Variants in ASAP1 observed in about 807,000 individuals in gnomAD.
ASAP1 encodes the protein ArfGAP with SH3 domain, ankyrin repeat and PH domain 1, also known as arf-GAP with SH3 domain, ANK repeat and PH domain-containing protein 1.
Under a neutral mutation model 145.2 loss-of-function variants are expected in ASAP1, and 43 were observed. The ratio of observed to expected loss-of-function variants is 0.30; its 90% confidence interval spans 0.23 to 0.38. ASAP1 has a LOEUF of 0.38. Among genes scored for constraint, ASAP1 ranks in the 10% least tolerant of loss-of-function variants. The pLI is 1.00. For synonymous variants in ASAP1, 546 were observed against 515.5 expected, an observed-to-expected ratio of 1.06 and a Z score of -0.80; for missense variants, 1,018 against 1,355.3, an observed-to-expected ratio of 0.75 and a Z score of 3.91.
chr8:130,199,663 A>C (rs190790604), intron 5 of ASAP1, among the ~76,000 whole-genome samples: 3 of 152,328 alleles, frequency 2.0e-5, no homozygotes, highest in African/African-American at 7.2e-5. Flanking sequence ...GAGGTCTCTA[A>C]AAAGACCTCT....
intron 15 of ASAP1, among the ~76,000 whole-genome samples, chr8:130,130,505 A>G (rs1487948173): frequency 1.3e-5 from 2 of 152,238 alleles, no homozygotes; most frequent in Admixed American, 1.3e-4. Flanking sequence ...CAAAAGGACC[A>G]AGACTCACAG....
chr8:130,329,942 C>T (rs1565214173), intron 3 of ASAP1, among the ~76,000 whole-genome samples: 1 of 152,170 alleles, frequency 6.6e-6, no homozygotes, highest in Non-Finnish European at 1.5e-5. Flanking sequence ...CCTGAATCAC[C>T]ATTTCCCTCC....
chr8:130,266,914 T>G (rs1820280352), intron 3 of ASAP1, among the ~76,000 whole-genome samples: 1 of 151,882 alleles, frequency 6.6e-6, no homozygotes, highest in South Asian at 2.1e-4. Flanking sequence ...CTGATGAAAT[T>G]ATCCTTAAAA....
At chr8:130,087,277 T>C (rs1218772701) in intron 25 of ASAP1, among the ~76,000 whole-genome samples, 1 of 152,040 alleles carries the variant, frequency 6.6e-6, no homozygotes, top group Non-Finnish European at 1.5e-5. Context: ...CCCAGCACTT[T>C]GAGAGGCCGA....
At chr8:130,256,751 A>ATATATATATATCCT (rs1819556929) in intron 3 of ASAP1, among the ~76,000 whole-genome samples, 2 of 40,794 alleles carry the variant, frequency 4.9e-5, no homozygotes, top group African/African-American at 1.7e-4. Flanking sequence ...ATATATATAT[A>ATATATATATATCCT]TATATATATA....
At chr8:130,256,401 T>TG (rs142943689) in intron 3 of ASAP1, among the ~76,000 whole-genome samples, 1,278 of 45,560 alleles carry the variant, frequency 0.028, 32 homozygotes, top group African/African-American at 0.099. Context: ...GCAGAGGATC[T>TG]GGGGGGTGGG....
At chr8:130,108,466 T>TAC (rs2097541173) in intron 24 of ASAP1, among the ~76,000 whole-genome samples, 1 of 152,218 alleles carries the variant, frequency 6.6e-6, no homozygotes, top group South Asian at 2.1e-4. Context: ...TTAAGATGCC[T>TAC]ACCAAGTGCC....
intron 3 of ASAP1, among the ~76,000 whole-genome samples, chr8:130,321,534 C>A (rs1410284725): frequency 2.0e-5 from 3 of 152,062 alleles, no homozygotes; most frequent in Non-Finnish European, 4.4e-5. Flanking sequence ...CCAGCTTTTC[C>A]ACAAAGTATC....
chr8:130,396,627 T>C (rs1018784720), intron 2 of ASAP1, among the ~76,000 whole-genome samples: 3 of 152,232 alleles, frequency 2.0e-5, no homozygotes, highest in Non-Finnish European at 4.4e-5. Flanking sequence ...CTTCCAACTA[T>C]GTTAGCAATG....
intron 3 of ASAP1, among the ~76,000 whole-genome samples, chr8:130,312,346 C>T (rs1040793726): frequency 6.6e-6 from 1 of 151,940 alleles, no homozygotes; most frequent in Non-Finnish European, 1.5e-5. Flanking sequence ...CAGCTGAACC[C>T]CTGGCCTTGA....
chr8:130,322,578 A>G (rs1034471530), intron 3 of ASAP1, among the ~76,000 whole-genome samples: 2 of 152,342 alleles, frequency 1.3e-5, no homozygotes, highest in South Asian at 4.1e-4. Flanking sequence ...GGAAGTAAAC[A>G]TTACTGACCT....
At chr8:130,187,996 G>T in intron 6 of ASAP1, 113 bp downstream of exon 6, 3 of 780,226 alleles carry the variant, frequency 3.8e-6, no homozygotes, top group Non-Finnish European at 6.3e-6. Flanking sequence ...CATTTTTAAC[G>T]CTGAAAATGT....
intron 16 of ASAP1, among the ~76,000 whole-genome samples, chr8:130,127,259 C>T (rs2097576428): frequency 6.6e-6 from 1 of 152,160 alleles, no homozygotes; most frequent in South Asian, 2.1e-4. Context: ...CTCTGTCGCC[C>T]AGGCTAGAGT....
At chr8:130,397,402 A>G (rs1223984394) in intron 2 of ASAP1, among the ~76,000 whole-genome samples, 3 of 152,120 alleles carry the variant, frequency 2.0e-5, no homozygotes, top group Non-Finnish European at 2.9e-5. Flanking sequence ...TCGCCTCCCA[A>G]AGTGCTAGGA....
intron 4 of ASAP1, among the ~76,000 whole-genome samples, chr8:130,221,614 G>T (rs1488730555): frequency 6.6e-6 from 1 of 152,140 alleles, no homozygotes; most frequent in Non-Finnish European, 1.5e-5. Flanking sequence ...CCTAGGCCTA[G>T]CTGCTTCTTT....
chr8:130,343,557 A>G (rs1825521888), intron 3 of ASAP1, among the ~76,000 whole-genome samples: 1 of 152,244 alleles, frequency 6.6e-6, no homozygotes, highest in Non-Finnish European at 1.5e-5. Flanking sequence ...GGAACAAGGC[A>G]AAGACCACCA....
chr8:130,082,501 C>CTTTTTTTTTTTTTT (rs11414704), intron 25 of ASAP1, among the ~76,000 whole-genome samples: 1 of 130,676 alleles, frequency 7.7e-6, no homozygotes. Context: ...CACACGTGGC[C>CTTTTTTTTTTTTTT]TTTTTTTTTT....
chr8:130,401,402 C>G (rs1828790455), intron 2 of ASAP1, among the ~76,000 whole-genome samples: 1 of 152,062 alleles, frequency 6.6e-6, no homozygotes, highest in African/African-American at 2.4e-5. Flanking sequence ...CATGCTACCA[C>G]ACCCAGCTAA....
At chr8:130,266,715 A>ATG (rs1476164094) in intron 3 of ASAP1, among the ~76,000 whole-genome samples, 5 of 152,286 alleles carry the variant, frequency 3.3e-5, no homozygotes, top group African/African-American at 1.2e-4. Flanking sequence ...TACTGAATAC[A>ATG]TGACACAATT....
Sources: allele counts gnomAD v4.1 joint callset (sites outside exome capture counted in the v4.1 genomes callset), GRCh38; gene constraint gnomAD v4.1.1; transcripts MANE v1.5; gene names NCBI Gene and HGNC (gene_info 2026-07-23, HGNC 2026-07-21).